The following C6orf132 variants were observed in gnomAD, a reference collection of about 807,000 sequenced individuals.
C6orf132 encodes uncharacterized protein C6orf132.
Under a neutral mutation model 65.3 loss-of-function variants are expected in C6orf132, and 43 were observed. The observed-to-expected ratio is 0.66, with a 90% CI of 0.52 to 0.85. The LOEUF (loss-of-function observed/expected upper bound fraction) is 0.85, where lower values mean the gene tolerates loss of function less well. Ranked by LOEUF, C6orf132 falls within the 40% of genes least tolerant of loss-of-function variation. C6orf132 has a pLI of 0.00. For missense variants in C6orf132, 1,488 were observed against 1,548.8 expected, an observed-to-expected ratio of 0.96 and a Z score of 0.66; for synonymous variants, 631 against 654.1, an observed-to-expected ratio of 0.96 and a Z score of 0.54.
chr6:42,125,017 C>T (rs1327195063), intron 2 of C6orf132, among the ~76,000 whole-genome samples: 1 of 152,158 alleles, frequency 6.6e-6, no homozygotes, highest in South Asian at 2.1e-4. Flanking sequence ...GTAAGCAAAA[C>T]TAGATGTATG....
At chr6:42,125,027 G>T (rs965799858) in intron 2 of C6orf132, among the ~76,000 whole-genome samples, 5 of 152,138 alleles carry the variant, frequency 3.3e-5, no homozygotes, top group African/African-American at 1.2e-4. Flanking sequence ...CTAGATGTAT[G>T]TGGCTCACAG....
intron 2 of C6orf132, among the ~76,000 whole-genome samples, chr6:42,113,195 G>C (rs1562035544): frequency 6.6e-6 from 1 of 152,164 alleles, no homozygotes; most frequent in African/African-American, 2.4e-5. Flanking sequence ...ATTTTGATGA[G>C]ATGGAGGCCA....
chr6:42,110,192 G>T, intron 3 of C6orf132, 24 bp downstream of exon 3: 2 of 1,536,598 alleles, frequency 1.3e-6, no homozygotes, highest in Non-Finnish European at 1.8e-6. Context: ...AGATGGACAA[G>T]CCCCAAGCCC....
Position 42,107,547 on chromosome 6 carries a change from T to TCACCCACC in C6orf132, c.364_365insGGTGGGTG (p.Tyr122TrpfsTer10), listed in dbSNP as rs764864761. ...AGGCCTCAGGTCACCCACAGAGCTG[T>TCACCCACC]ACAGTCGGAGGTTGCCATTGACTAG... On this transcript the variant is annotated frameshift_variant, in exon 4 of 5. Transcript: ENST00000341865. LOFTEE classifies it high-confidence loss of function. The TCACCCACC allele has an allele frequency of 1.7e-5, 26 of 1,550,624 alleles. No individual in the cohort carries two copies. The highest frequency in any genetic ancestry group is 1.7e-4 in the South Asian group (14 of 84,056).
chr6:42,136,629 G>A (rs1013099268), intron 1 of C6orf132, among the ~76,000 whole-genome samples: 1 of 152,236 alleles, frequency 6.6e-6, no homozygotes, highest in Non-Finnish European at 1.5e-5. Flanking sequence ...GGGAAGCAGC[G>A]GGGGCGGCCC....
At chr6:42,116,205 G>C (rs1439897705) in intron 2 of C6orf132, among the ~76,000 whole-genome samples, 1 of 152,016 alleles carries the variant, frequency 6.6e-6, no homozygotes, top group East Asian at 1.9e-4. Flanking sequence ...TGGGATTACA[G>C]GCATGAGCCA....
intron 2 of C6orf132, among the ~76,000 whole-genome samples, chr6:42,114,149 C>T (rs543706858): frequency 6.6e-6 from 1 of 152,264 alleles, no homozygotes; most frequent in African/African-American, 2.4e-5. Flanking sequence ...ACATTAGACT[C>T]CCAAGACCAC....
At position 42,103,602 on chromosome 6, in the gene C6orf132, C is replaced by A; in HGVS notation, c.*159G>T. 1 of 401,226 alleles carries A rather than the reference C, an allele frequency of 2.5e-6. No homozygotes were observed. The highest frequency in any genetic ancestry group is 4.3e-6 in the Non-Finnish European group (1 of 230,018). 24.9% of individuals were successfully genotyped at this position (401,226 alleles called of 1,614,324 possible). A position where few individuals can be genotyped will look rare whatever the true frequency, so the allele number is the denominator to read the frequency against. ...GAAGCCCACTCTCGGTCTTCCTGGG[C>A]CACTGCTTCTCATCGTTGGTCTTTG... On this transcript the variant is annotated 3_prime_UTR_variant, in exon 5 of 5. Coordinates refer to ENST00000341865, the MANE Select transcript of C6orf132 (RefSeq NM_001164446.3).
Position 42,102,788 on chromosome 6 carries a change from G to A in C6orf132, c.*973C>T. 3.3e-6 allele frequency: 1 copy of A among 301,438 alleles called. No individual in the cohort carries two copies. The allele number at this position is 301,438 out of a possible 1,614,324, so 18.7% of individuals were successfully genotyped here. On this transcript the variant is annotated 3_prime_UTR_variant, in exon 5 of 5. Transcript: ENST00000341865. ...TCTTCAGACCTCCATTCCCATCTCT[G>A]CTGCCTCCACTCTCCAAGGCTTTCT...
intron 3 of C6orf132, 48 bp from the exon 4 acceptor site, chr6:42,107,631 G>A (rs1432340227): frequency 1.1e-5 from 17 of 1,549,492 alleles, no homozygotes; most frequent in South Asian, 2.4e-5. Flanking sequence ...AGGCAGACTA[G>A]CCCTGCCAAT....
In C6orf132 at chr6:42,110,230, T is replaced by C. The variant is rs1314442255; in HGVS notation, c.314A>G (p.Asp105Gly). The C allele has an allele frequency of 2.3e-5, 35 of 1,548,886 alleles. No individual in the cohort carries two copies. The highest frequency in any genetic ancestry group is 4.0e-5 in the Admixed American group (2 of 50,528). Residue 105 changes from aspartate to glycine, a missense_variant, in exon 3 of 5, where the codon GAC becomes GGC. Coordinates refer to ENST00000341865, the MANE Select transcript of C6orf132 (RefSeq NM_001164446.3). ...PTPSVPDDFA[D>G]KEVTGTSSLV... is the part of the protein sequence containing the mutation. ...GGTTCACTTACCTGTCACTTCTTTG[T>C]CTGCAAAATCATCTGGAACCGAGGG... is the stretch of plus-strand genomic sequence containing the variant.
At chr6:42,133,456 G>A (rs992041226) in intron 1 of C6orf132, among the ~76,000 whole-genome samples, 1 of 152,190 alleles carries the variant, frequency 6.6e-6, no homozygotes, top group African/African-American at 2.4e-5. Context: ...GGAACATCCA[G>A]GTGGGATTCA....
intron 3 of C6orf132, among the ~76,000 whole-genome samples, chr6:42,109,703 T>C (rs148668938): frequency 1.4e-4 from 21 of 152,188 alleles, no homozygotes; most frequent in Non-Finnish European, 2.4e-4. Context: ...CAGCAGTCCT[T>C]GCAAGAACCT....
At position 42,114,550 on chromosome 6, in the gene C6orf132, T is replaced by C. The variant is rs188198435; in HGVS notation, c.253-4259A>G. Among the ~76,000 whole-genome samples, 436 of 152,284 alleles carry C rather than the reference T, an allele frequency of 2.9e-3. 3 individuals carry two copies. The highest frequency in any genetic ancestry group is 9.6e-3 in the African/African-American group (401 of 41,566). On this transcript the variant is annotated intron_variant, in intron 2 of 4. Coordinates refer to ENST00000341865, the MANE Select transcript of C6orf132 (RefSeq NM_001164446.3). Reference sequence around the variant, plus strand: ...CATAAAAACAGACTCAGAAGGTAAATTGCTTCCCACCCAGGCAGCTGGCAT... The same window carrying C: ...CATAAAAACAGACTCAGAAGGTAAACTGCTTCCCACCCAGGCAGCTGGCAT...
At chr6:42,129,203 G>C (rs1169379605) in intron 1 of C6orf132, among the ~76,000 whole-genome samples, 1 of 152,242 alleles carries the variant, frequency 6.6e-6, no homozygotes, top group Non-Finnish European at 1.5e-5. Context: ...TCTGAAACAT[G>C]CAGAGCAGAT....
intron 1 of C6orf132, among the ~76,000 whole-genome samples, chr6:42,134,283 C>T (rs1766904225): frequency 6.6e-6 from 1 of 152,220 alleles, no homozygotes; most frequent in African/African-American, 2.4e-5. Flanking sequence ...TATCTTTGTA[C>T]ATGTGAACAG....
intron 2 of C6orf132, among the ~76,000 whole-genome samples, chr6:42,110,652 T>G (rs995045085): frequency 6.6e-6 from 1 of 152,246 alleles, no homozygotes; most frequent in Non-Finnish European, 1.5e-5. Context: ...GCTGTGTTTC[T>G]GCTTAAAGAC....
chr6:42,107,408 G>T lies in C6orf132; in HGVS notation c.504C>A (p.Ser168=). The T allele has an allele frequency of 3.4e-6, 5 of 1,457,816 alleles. No individual in the cohort carries two copies. The highest frequency in any genetic ancestry group is 4.6e-6 in the Non-Finnish European group (5 of 1,080,598). 90.3% of individuals were successfully genotyped at this position (1,457,816 alleles called of 1,614,324 possible). Residue 168 remains serine, a synonymous_variant, in exon 4 of 5, where the codon TCC becomes TCA. Transcript: ENST00000341865. ...PGGSPLPSPP[S]TAPPPPPLLL... is the part of the protein sequence containing the mutation. ...GCAGGGGAGGTGGTGGGGGTGCTGTGGAAGGTGGAGATGGCAGTGGCGACC... is the reference window on the plus strand; with the variant it reads ...GCAGGGGAGGTGGTGGGGGTGCTGTTGAAGGTGGAGATGGCAGTGGCGACC...
chr6:42,141,591 T>C (rs1767029785), intron 1 of C6orf132, among the ~76,000 whole-genome samples: 1 of 152,200 alleles, frequency 6.6e-6, no homozygotes, highest in African/African-American at 2.4e-5. Flanking sequence ...CAGCTGGCAG[T>C]CAGGGAGAGG....
Sources: gnomAD v4.1 joint callset for allele counts (sites outside exome capture counted in the v4.1 genomes callset) on GRCh38, gnomAD v4.1.1 for gene constraint, MANE v1.5 for transcripts, NCBI Gene and HGNC (gene_info 2026-07-23, HGNC 2026-07-21) for gene names.